The following NAALADL2 variants were observed in gnomAD, a reference collection of about 807,000 sequenced individuals.
NAALADL2 encodes inactive N-acetylated-alpha-linked acidic dipeptidase-like protein 2.
Under a neutral mutation model 87.2 loss-of-function variants are expected in NAALADL2, and 76 were observed. The observed-to-expected ratio is 0.87, with a 90% CI of 0.72 to 1.05. The LOEUF is 1.05. Ranked by LOEUF, NAALADL2 falls within the 50% of genes least tolerant of loss-of-function variation. The pLI, the probability that NAALADL2 is intolerant of heterozygous loss-of-function variation, is 0.00. For missense variants in NAALADL2, 1,089 were observed against 945.8 expected, an observed-to-expected ratio of 1.15 and a Z score of -1.99; for synonymous variants, 354 against 331.0, an observed-to-expected ratio of 1.07 and a Z score of -0.75.
At chr3:174,763,223 G>T (rs949482684) in intron 3 of NAALADL2, among the ~76,000 whole-genome samples, 2 of 151,984 alleles carry the variant, frequency 1.3e-5, no homozygotes, top group East Asian at 1.9e-4. Context: ...ATCCTGTTCA[G>T]AGTGATATAT....
At chr3:174,691,817 T>C (rs1360731813) in intron 2 of NAALADL2, among the ~76,000 whole-genome samples, 16 of 152,246 alleles carry the variant, frequency 1.1e-4, no homozygotes, top group Admixed American at 9.2e-4. Context: ...TCTTCAGAAG[T>C]AGTAGGTTTC....
chr3:175,078,453 CATATG>C (rs1717068894), intron 1 of NAALADL2, among the ~76,000 whole-genome samples: 1 of 152,112 alleles, frequency 6.6e-6, no homozygotes, highest in Admixed American at 6.5e-5. Context: ...AAAATTCACT[CATATG>C]AAGTGTGCAA....
chr3:175,366,296 G>C (rs1321524453), intron 5 of NAALADL2, among the ~76,000 whole-genome samples: 3 of 151,174 alleles, frequency 2.0e-5, no homozygotes, highest in Non-Finnish European at 4.4e-5. Flanking sequence ...CTTTGCTATT[G>C]TGAATAGTGC....
intron 3 of NAALADL2, among the ~76,000 whole-genome samples, chr3:174,795,077 C>T (rs1440462664): frequency 6.7e-5 from 10 of 148,614 alleles, no homozygotes; most frequent in Non-Finnish European, 1.2e-4. Context: ...CCACAACCTC[C>T]GCCTCCCAGG....
intron 3 of NAALADL2, among the ~76,000 whole-genome samples, chr3:175,253,770 C>G (rs937902499): frequency 6.6e-6 from 1 of 151,990 alleles, no homozygotes; most frequent in Non-Finnish European, 1.5e-5. Flanking sequence ...TGGTTTCAAC[C>G]CTTATAGACG....
intron 2 of NAALADL2, among the ~76,000 whole-genome samples, chr3:175,196,605 C>T (rs977605853): frequency 5.9e-5 from 9 of 151,914 alleles, no homozygotes; most frequent in Non-Finnish European, 1.3e-4. Context: ...ATTGACTTCG[C>T]ATTTTCTCAA....
intron 1 of NAALADL2, among the ~76,000 whole-genome samples, chr3:175,046,643 T>G (rs1188086210): frequency 2.0e-5 from 3 of 152,172 alleles, no homozygotes; most frequent in African/African-American, 7.2e-5. Flanking sequence ...TGGCAAAAAC[T>G]GCCAAATTCA....
rs1161831796 is a variant in NAALADL2 at position 175,182,550 on chromosome 3, G to GTTTTTTTTTTTTTTTTTTTTTTTTTTTT, written c.546-51380_546-51353dup. On this transcript the variant is annotated intron_variant, in intron 2 of 13. Transcript: ENST00000454872. ...CTATAAGTCCATGACACCACAGCCA[G>GTTTTTTTTTTTTTTTTTTTTTTTTTTTT]TTTTTTTTTTTTTTTTTTTTTTTTT... 7.2e-5 allele frequency among the ~76,000 whole-genome samples: 5 copies of GTTTTTTTTTTTTTTTTTTTTTTTTTTTT among 69,474 alleles called. 1 individual carries two copies. The highest frequency in any genetic ancestry group is 3.0e-4 in the African/African-American group (5 of 16,732). The allele number at this position is 69,474 out of a possible 152,430, so 45.6% of individuals were successfully genotyped here.
chr3:174,842,052 C>CTT (rs10575010), intron 3 of NAALADL2, among the ~76,000 whole-genome samples: 20 of 142,452 alleles, frequency 1.4e-4, no homozygotes, highest in African/African-American at 3.7e-4. Context: ...TACATTTAAA[C>CTT]TTTTTTTTTT....
chr3:175,620,888 G>T (rs1303162984), intron 10 of NAALADL2, among the ~76,000 whole-genome samples: 1 of 152,212 alleles, frequency 6.6e-6, no homozygotes, highest in Non-Finnish European at 1.5e-5. Flanking sequence ...AAAGTTTTCA[G>T]CTGCAAAAGG....
At chr3:175,659,104 G>T (rs1731908778) in intron 11 of NAALADL2, among the ~76,000 whole-genome samples, 1 of 152,058 alleles carries the variant, frequency 6.6e-6, no homozygotes, top group South Asian at 2.1e-4. Context: ...TTGTTGCTTT[G>T]TCTGTAAATT....
At chr3:175,398,345 T>TTTTG (rs11474771) in intron 5 of NAALADL2, among the ~76,000 whole-genome samples, 991 of 52,136 alleles carry the variant, frequency 0.019, 15 homozygotes, top group African/African-American at 0.049. Flanking sequence ...CTTCTGCTAC[T>TTTTG]TTTTTTTTTT....
At chr3:174,982,311 T>C (rs1446544574) in intron 1 of NAALADL2, among the ~76,000 whole-genome samples, 1 of 152,118 alleles carries the variant, frequency 6.6e-6, no homozygotes, top group Non-Finnish European at 1.5e-5. Context: ...GAGGTCATGA[T>C]TTCTGACCTT....
chr3:175,758,424 C>A (rs970274035), intron 13 of NAALADL2, among the ~76,000 whole-genome samples: 1 of 151,406 alleles, frequency 6.6e-6, no homozygotes, highest in Non-Finnish European at 1.5e-5. Context: ...GTGTGTATAC[C>A]TATATATACT....
At position 174,561,197 on chromosome 3, in the gene NAALADL2, A is replaced by T. The variant is rs368928308; in HGVS notation, c.-115+10560A>T. ...GATTCTAGCTAAACTGACTAATAGG[A>T]TTCCTTTTTTTTTTTTTTTTTTGGA... On this transcript the variant is annotated intron_variant, in intron 2 of 3. Transcript: ENST00000434257. Among the ~76,000 whole-genome samples the T allele has an allele frequency of 8.2e-3, 1,100 of 134,508 alleles. 20 individuals carry two copies. The highest frequency in any genetic ancestry group is 0.029 in the African/African-American group (1,004 of 34,192). The allele number at this position is 134,508 out of a possible 152,430, so 88.2% of individuals were successfully genotyped here. A position where few individuals can be genotyped will look rare whatever the true frequency, so the allele number is the denominator to read the frequency against.
chr3:174,456,545 C>A (rs1715850411), intron 1 of NAALADL2, among the ~76,000 whole-genome samples: 1 of 151,818 alleles, frequency 6.6e-6, no homozygotes, highest in African/African-American at 2.4e-5. Flanking sequence ...AACAAAATAG[C>A]CCAGAAATAA....
intron 1 of NAALADL2, among the ~76,000 whole-genome samples, chr3:175,033,082 C>G (rs1434087083): frequency 6.6e-6 from 1 of 151,744 alleles, no homozygotes; most frequent in East Asian, 2.0e-4. Flanking sequence ...TTTTGTTCCT[C>G]AAAGCTCAAG....
intron 11 of NAALADL2, chr3:175,718,195 GTTTTTTTTTTTTT>G (rs1244400650): frequency 1.6e-5 from 13 of 823,380 alleles, no homozygotes; most frequent in East Asian, 1.4e-4. Flanking sequence ...AGGGCCTGTG[GTTTTTTTTTTTTT>G]TTTTTTTTTT....
chr3:174,897,973 C>T (rs1209002070), intron 1 of NAALADL2, among the ~76,000 whole-genome samples: 3 of 141,780 alleles, frequency 2.1e-5, no homozygotes, highest in African/African-American at 8.7e-5. Context: ...ATTAGCCGGG[C>T]GTAGTGGCGG....
Sources: allele counts gnomAD v4.1 joint callset (sites outside exome capture counted in the v4.1 genomes callset), GRCh38; gene constraint gnomAD v4.1.1; transcripts MANE v1.5; gene names NCBI Gene and HGNC (gene_info 2026-07-23, HGNC 2026-07-21).